The following TMEM135 variants were observed in gnomAD, a reference collection of about 807,000 sequenced individuals.
The protein encoded by TMEM135 is peroxisomal membrane protein 52.
TMEM135 carries 30 observed loss-of-function variants against 60.3 expected under a neutral mutation model. The ratio of observed to expected loss-of-function variants is 0.50; its 90% CI spans 0.37 to 0.68. TMEM135 has a LOEUF of 0.68. Among genes scored for constraint, TMEM135 ranks in the 30% least tolerant of loss-of-function variants. TMEM135 has a pLI of 0.00. For missense variants in TMEM135, 468 were observed against 548.8 expected (o/e 0.85, Z 1.47); for synonymous variants, 190 against 186.7 (o/e 1.02, Z -0.14).
intron 14 of TMEM135, 63 bp from the exon 15 acceptor site, chr11:87,321,138 A>G (rs1327541577): frequency 2.8e-6 from 4 of 1,447,248 alleles, no homozygotes; most frequent in African/African-American, 2.9e-5. Context: ...AAGTCAACTA[A>G]AATGAATTAT....
intron 6 of TMEM135, among the ~76,000 whole-genome samples, chr11:87,244,686 C>G (rs1449043772): frequency 9.8e-6 from 1 of 102,214 alleles, no homozygotes. Flanking sequence ...TCTGTGGGAT[C>G]AGTGGTGATA....
chr11:87,237,649 C>A (rs1260344771), intron 6 of TMEM135, among the ~76,000 whole-genome samples: 1 of 151,840 alleles, frequency 6.6e-6, no homozygotes, highest in South Asian at 2.1e-4. Flanking sequence ...TGAATAATAA[C>A]CAGATGCTAT....
chr11:87,210,949 C>T (rs1940355455), intron 5 of TMEM135, among the ~76,000 whole-genome samples: 1 of 152,136 alleles, frequency 6.6e-6, no homozygotes. Context: ...TACAATATCA[C>T]TTCATGCTAA....
At position 87,159,593 on chromosome 11, in the gene TMEM135, G is replaced by GCA. The variant is rs146638445; in HGVS notation, c.462+2211_462+2212dup. Among the ~76,000 whole-genome samples the GCA allele has an allele frequency of 4.3e-3, 535 of 124,936 alleles. 1 individual carries two copies. Among genetic ancestry groups the GCA allele is most frequent in the Middle Eastern group, 8.3e-3 (2 of 242 alleles). The allele number at this position is 124,936 out of a possible 152,430, so 82.0% of individuals were successfully genotyped here. On this transcript the variant is annotated intron_variant, in intron 5 of 14. Coordinates refer to ENST00000305494, the MANE Select transcript of TMEM135 (RefSeq NM_022918.4). ...AAGATACTACTGAATACACACACGC[G>GCA]CACACACACACACACACACACACAC...
chr11:87,138,693 T>C (rs1449754121), intron 4 of TMEM135, among the ~76,000 whole-genome samples: 1 of 152,190 alleles, frequency 6.6e-6, no homozygotes, highest in Non-Finnish European at 1.5e-5. Context: ...TATAGTATGA[T>C]ACATTGTGGC....
intron 7 of TMEM135, among the ~76,000 whole-genome samples, chr11:87,300,652 A>G (rs1392087902): frequency 1.3e-5 from 2 of 152,208 alleles, no homozygotes; most frequent in African/African-American, 4.8e-5. Flanking sequence ...TACTATGTTC[A>G]TTCATTCATT....
intron 4 of TMEM135, among the ~76,000 whole-genome samples, chr11:87,141,577 G>T (rs556258061): frequency 2.7e-4 from 41 of 152,052 alleles, no homozygotes; most frequent in African/African-American, 9.4e-4. Context: ...TATCTTTTCT[G>T]TGTTTTATTT....
At chr11:87,285,202 G>A (rs985218798) in intron 6 of TMEM135, among the ~76,000 whole-genome samples, 4 of 152,106 alleles carry the variant, frequency 2.6e-5, no homozygotes, top group African/African-American at 9.7e-5. Flanking sequence ...TTAGTACTAA[G>A]GTAAGCTCTA....
In TMEM135 at chr11:87,103,481, GTT is replaced by G. The variant is rs869209609; in HGVS notation, c.396+12097_396+12098del. 5.4e-5 allele frequency among the ~76,000 whole-genome samples: 4 copies of G among 74,426 alleles called. No individual in the cohort carries two copies. The East Asian group carries it at 1.4e-3, about 26-fold the overall frequency. 48.8% of individuals were successfully genotyped at this position (74,426 alleles called of 152,430 possible). A position where few individuals can be genotyped will look rare whatever the true frequency, so the allele number is the denominator to read the frequency against. On this transcript the variant is annotated intron_variant, in intron 4 of 14. Transcript: ENST00000305494. ...TGTGTGTGTTAGCCATGTTTTTTTT[GTT>G]TTTTTTTTTTGTTTGTTTTTTTGTT...
chr11:87,060,770 G>A (rs1321491238), intron 1 of TMEM135, among the ~76,000 whole-genome samples: 6 of 151,928 alleles, frequency 3.9e-5, no homozygotes, highest in Non-Finnish European at 7.4e-5. Flanking sequence ...AGCCTCCTGA[G>A]TAGCTGGGAG....
intron 4 of TMEM135, among the ~76,000 whole-genome samples, chr11:87,093,444 C>T (rs780421382): frequency 1.3e-5 from 2 of 152,174 alleles, no homozygotes; most frequent in South Asian, 2.1e-4. Flanking sequence ...CTCTTGGGCT[C>T]GAGTGATCCT....
intron 5 of TMEM135, among the ~76,000 whole-genome samples, chr11:87,223,071 A>G (rs1940679123): frequency 1.3e-5 from 2 of 152,020 alleles, no homozygotes; most frequent in Admixed American, 1.3e-4. Context: ...AAGCATAGGA[A>G]GCTTGAAAGG....
At chr11:87,141,144 GT>G (rs2135245460) in intron 4 of TMEM135, among the ~76,000 whole-genome samples, 1 of 151,618 alleles carries the variant, frequency 6.6e-6, no homozygotes, top group East Asian at 1.9e-4. Context: ...TGCCTGTTAG[GT>G]TTTGATTGAG....
At chr11:87,118,542 G>A (rs1014848622) in intron 4 of TMEM135, among the ~76,000 whole-genome samples, 1 of 151,318 alleles carries the variant, frequency 6.6e-6, no homozygotes, top group African/African-American at 2.4e-5. Context: ...TCCACCTCCC[G>A]GGTTCAAGTG....
intron 1 of TMEM135, among the ~76,000 whole-genome samples, chr11:87,066,257 C>A (rs1856649118): frequency 1.3e-5 from 2 of 152,110 alleles, no homozygotes; most frequent in African/African-American, 4.8e-5. Context: ...TATGTTGTTT[C>A]ATTATGATGG....
chr11:87,293,962 A>T (rs1173758465), intron 6 of TMEM135, among the ~76,000 whole-genome samples: 1 of 152,134 alleles, frequency 6.6e-6, no homozygotes, highest in Non-Finnish European at 1.5e-5. Flanking sequence ...GGTTGAACTA[A>T]TTTACATTCC....
chr11:87,143,878 C>T (rs952918220), intron 4 of TMEM135, among the ~76,000 whole-genome samples: 5 of 152,064 alleles, frequency 3.3e-5, no homozygotes, highest in African/African-American at 9.7e-5. Flanking sequence ...GAGTTTGGTG[C>T]GCACCCCTTG....
chr11:87,115,744 A>G (rs1857863508), intron 4 of TMEM135, among the ~76,000 whole-genome samples: 1 of 152,102 alleles, frequency 6.6e-6, no homozygotes, highest in Non-Finnish European at 1.5e-5. Context: ...TTTAAATGAA[A>G]AGTCAGTTTT....
At chr11:87,249,553 A>G (rs1941368276) in intron 6 of TMEM135, among the ~76,000 whole-genome samples, 1 of 151,872 alleles carries the variant, frequency 6.6e-6, no homozygotes, top group African/African-American at 2.4e-5. Flanking sequence ...TAGGTTGTTT[A>G]AAGGTTTTCT....
Sources: gnomAD v4.1 joint callset for allele counts (sites outside exome capture counted in the v4.1 genomes callset) on GRCh38, gnomAD v4.1.1 for gene constraint, MANE v1.5 for transcripts, NCBI Gene and HGNC (gene_info 2026-07-23, HGNC 2026-07-21) for gene names.